Variants in NELL1 observed in about 807,000 individuals in gnomAD.
NELL1 encodes protein kinase C-binding protein NELL1.
In NELL1, 76 loss-of-function variants were observed where a neutral mutation model predicts 107.4. That is an observed-to-expected ratio of 0.71 (90% CI 0.59 to 0.86). The LOEUF is 0.86. Ranked by LOEUF, NELL1 falls within the 40% of genes least tolerant of loss-of-function variation. NELL1 has a pLI of 0.00. For synonymous variants in NELL1, 353 were observed against 341.2 expected, an observed-to-expected ratio of 1.03 and a Z score of -0.38; for missense variants, 1,024 against 1,005.5, an observed-to-expected ratio of 1.02 and a Z score of -0.25.
chr11:21,571,081 T>G, intron 18 of NELL1, 141 bp downstream of exon 18: 2 of 650,256 alleles, frequency 3.1e-6, no homozygotes, highest in Non-Finnish European at 5.2e-6. Context: ...GGTCATGTTC[T>G]CTTCCTAAAG....
chr11:20,919,137 T>C (rs1238926409), intron 6 of NELL1, 115 bp from the exon 7 acceptor site: 12 of 500,696 alleles, frequency 2.4e-5, no homozygotes, highest in Non-Finnish European at 4.1e-5. Context: ...CAAAGCAATG[T>C]CAACCAAAAA....
chr11:21,000,510 A>T (rs1025737776), intron 12 of NELL1, among the ~76,000 whole-genome samples: 1 of 152,190 alleles, frequency 6.6e-6, no homozygotes, highest in South Asian at 2.1e-4. Context: ...ATGCACTTTT[A>T]AAAAAGCAAA....
chr11:21,337,171 C>T (rs940487748), intron 14 of NELL1, among the ~76,000 whole-genome samples: 1 of 151,916 alleles, frequency 6.6e-6, no homozygotes, highest in Non-Finnish European at 1.5e-5. Context: ...GAAAATGGAA[C>T]CAAAATGGAG....
chr11:20,706,504 A>G (rs1840274921), intron 2 of NELL1, among the ~76,000 whole-genome samples: 1 of 113,620 alleles, frequency 8.8e-6, no homozygotes, highest in South Asian at 3.3e-4. Flanking sequence ...AACATCACAC[A>G]CTGGGGACTG....
chr11:21,509,023 C>A (rs1170983794), intron 15 of NELL1, among the ~76,000 whole-genome samples: 1 of 151,898 alleles, frequency 6.6e-6, no homozygotes, highest in Non-Finnish European at 1.5e-5. Flanking sequence ...ATAAAATATA[C>A]AAATACATTT....
chr11:21,339,128 T>A (rs1021935731), intron 14 of NELL1, among the ~76,000 whole-genome samples: 7 of 152,218 alleles, frequency 4.6e-5, no homozygotes, highest in African/African-American at 1.7e-4. Flanking sequence ...TAACATTTGG[T>A]ACCTAAGAAT....
At chr11:21,099,232 CAA>C (rs375580899) in intron 12 of NELL1, among the ~76,000 whole-genome samples, 22,288 of 122,328 alleles carry the variant, frequency 0.18, 1,674 homozygotes, top group Middle Eastern at 0.26. Flanking sequence ...CACACACACA[CAA>C]ACACACACAC....
intron 12 of NELL1, among the ~76,000 whole-genome samples, chr11:20,970,372 C>T (rs1049430385): frequency 2.3e-4 from 34 of 150,002 alleles, no homozygotes; most frequent in African/African-American, 8.4e-4. Flanking sequence ...TCTATTGTGG[C>T]TGGGTCTTGT....
intron 2 of NELL1, among the ~76,000 whole-genome samples, chr11:20,725,497 A>G (rs935001047): frequency 3.9e-5 from 6 of 152,170 alleles, no homozygotes; most frequent in Admixed American, 3.9e-4. Context: ...CACCGTGGGA[A>G]TTGTGTAAGC....
At chr11:21,481,832 CAA>C (rs1201035218) in intron 15 of NELL1, among the ~76,000 whole-genome samples, 1 of 152,174 alleles carries the variant, frequency 6.6e-6, no homozygotes, top group African/African-American at 2.4e-5. Context: ...CTCATTTACA[CAA>C]AGAGTATGCC....
chr11:20,740,918 G>C (rs1452737151), intron 2 of NELL1, among the ~76,000 whole-genome samples: 4 of 151,966 alleles, frequency 2.6e-5, no homozygotes, highest in Admixed American at 6.6e-5. Context: ...GCACCACCAT[G>C]CCCAGCTCTA....
In NELL1 at chr11:21,050,672, GTCT is replaced by G. The variant is rs146280920; in HGVS notation, c.1301-62909_1301-62907del. On this transcript the variant is annotated intron_variant, in intron 12 of 19. Coordinates refer to ENST00000357134, the MANE Select transcript of NELL1 (RefSeq NM_006157.5). ...AAAAATGTTTTCTCTGTTAATGTCT[GTCT>G]TCTTCTTTAACTAGGATGAAGAAAT... Among the ~76,000 whole-genome samples, 55 of 151,800 alleles carry G rather than the reference GTCT, an allele frequency of 3.6e-4. No homozygotes were observed. In the East Asian group the frequency reaches 4.5e-3, roughly 12 times the overall value.
Position 20,818,182 on chromosome 11 carries a change from G to C in NELL1, c.336-29401G>C, listed in dbSNP as rs540431965. Among the ~76,000 whole-genome samples the C allele has an allele frequency of 3.3e-5, 5 of 152,198 alleles. No homozygotes were observed. In the East Asian group the frequency reaches 9.7e-4, roughly 29 times the overall value. ...TCAGTGATCTAATACTATCAGTGGA[G>C]TGAAGTCCCCAACTATTATGTGTGA... On this transcript the variant is annotated intron_variant, in intron 3 of 19. Transcript: ENST00000357134.
chr11:21,288,776 G>A (rs1048888689), intron 14 of NELL1, among the ~76,000 whole-genome samples: 1 of 152,190 alleles, frequency 6.6e-6, no homozygotes, highest in Admixed American at 6.5e-5. Context: ...TAGTCGGGGG[G>A]TTCTTCTTAT....
At chr11:21,177,844 A>T in intron 13 of NELL1, among the ~76,000 whole-genome samples, 1 of 151,576 alleles carries the variant, frequency 6.6e-6, no homozygotes, top group African/African-American at 2.4e-5. Context: ...TTGTGATTTT[A>T]ATTTGTATTT....
At chr11:20,978,973 C>T (rs937932801) in intron 12 of NELL1, among the ~76,000 whole-genome samples, 2 of 152,154 alleles carry the variant, frequency 1.3e-5, no homozygotes, top group Non-Finnish European at 2.9e-5. Flanking sequence ...GGTAGTTACA[C>T]TTGAAAATGA....
At chr11:20,814,119 C>T (rs1426503483) in intron 3 of NELL1, among the ~76,000 whole-genome samples, 11 of 151,728 alleles carry the variant, frequency 7.2e-5, no homozygotes, top group Admixed American at 6.6e-5. Context: ...CCTCAGCCTC[C>T]CGAGTAGTTG....
chr11:20,739,376 G>A (rs758148188), intron 2 of NELL1, among the ~76,000 whole-genome samples: 7 of 148,838 alleles, frequency 4.7e-5, no homozygotes, highest in Admixed American at 2.0e-4. Flanking sequence ...TGCACACCAC[G>A]TTGTCAGGTT....
chr11:21,327,277 A>G (rs1850167836), intron 14 of NELL1, among the ~76,000 whole-genome samples: 1 of 151,552 alleles, frequency 6.6e-6, no homozygotes. Context: ...GCACACCAAC[A>G]TGGCACATGT....
Sources: gnomAD v4.1 joint callset for allele counts (sites outside exome capture counted in the v4.1 genomes callset) on GRCh38, gnomAD v4.1.1 for gene constraint, MANE v1.5 for transcripts, NCBI Gene and HGNC (gene_info 2026-07-23, HGNC 2026-07-21) for gene names.